The following PCBP3 variants were observed in gnomAD, a reference collection of about 807,000 sequenced individuals.
PCBP3 encodes poly(rC)-binding protein 3.
Under a neutral mutation model 52.7 loss-of-function variants are expected in PCBP3, and 25 were observed. The ratio of observed to expected loss-of-function variants is 0.47; its 90% CI spans 0.35 to 0.66. PCBP3 has a LOEUF of 0.66. Among genes scored for constraint, PCBP3 ranks in the 30% least tolerant of loss-of-function variants. The pLI, the probability that PCBP3 is intolerant of heterozygous loss-of-function variation, is 0.01. For missense variants in PCBP3, 391 were observed against 490.3 expected, an observed-to-expected ratio of 0.80 and a Z score of 1.91; for synonymous variants, 162 against 183.0, an observed-to-expected ratio of 0.89 and a Z score of 0.93.
intron 9 of PCBP3, among the ~76,000 whole-genome samples, chr21:45,907,028 A>C (rs1417452436): frequency 6.6e-6 from 1 of 152,234 alleles, no homozygotes; most frequent in East Asian, 1.9e-4. Context: ...GTCCAGTGTT[A>C]GTCACCCTGA....
At chr21:45,689,143 A>G (rs1255497179) in intron 2 of PCBP3, among the ~76,000 whole-genome samples, 1 of 152,094 alleles carries the variant, frequency 6.6e-6, no homozygotes, top group East Asian at 1.9e-4. Flanking sequence ...AACACCAGAA[A>G]ATTTAACTCA....
At chr21:45,711,532 G>T (rs1182655650) in intron 2 of PCBP3, among the ~76,000 whole-genome samples, 2 of 152,124 alleles carry the variant, frequency 1.3e-5, no homozygotes, top group Non-Finnish European at 2.9e-5. Flanking sequence ...TACATGTATA[G>T]CAGTATGAGG....
intron 13 of PCBP3, among the ~76,000 whole-genome samples, chr21:45,920,167 C>T (rs2074241188): frequency 6.6e-6 from 1 of 152,174 alleles, no homozygotes; most frequent in African/African-American, 2.4e-5. Flanking sequence ...CAGACAGTCG[C>T]CCTGAAGTTG....
chr21:45,662,117 T>A lies in PCBP3; in HGVS notation c.-278-6757T>A, dbSNP rs150463144. ...ACTCTGTTGATGATTATTTTTGCTG[T>A]GTAGACACTTTTAAGTTATTATTAA... On this transcript the variant is annotated intron_variant, in intron 1 of 17. Coordinates refer to ENST00000681687, the MANE Select transcript of PCBP3 (RefSeq NM_001384156.1). Among the ~76,000 whole-genome samples the A allele has an allele frequency of 1.3e-3, 199 of 152,236 alleles. 2 individuals are homozygous for A. The highest frequency in any genetic ancestry group is 4.3e-3 in the African/African-American group (179 of 41,534).
chr21:45,857,673 G>A (rs1203488103), intron 5 of PCBP3, among the ~76,000 whole-genome samples: 1 of 152,038 alleles, frequency 6.6e-6, no homozygotes, highest in African/African-American at 2.4e-5. Context: ...GCCACCCTGG[G>A]CACAAGTTCT....
chr21:45,793,062 C>G (rs779288791), intron 4 of PCBP3, among the ~76,000 whole-genome samples: 1 of 152,226 alleles, frequency 6.6e-6, no homozygotes, highest in Non-Finnish European at 1.5e-5. Context: ...AAACTGCCAA[C>G]AAGCTGGGAA....
At position 45,659,508 on chromosome 21, in the gene PCBP3, C is replaced by T. The variant is rs551613163; in HGVS notation, c.-278-9366C>T. 1.6e-4 allele frequency among the ~76,000 whole-genome samples: 24 copies of T among 151,962 alleles called. No homozygotes were observed. The South Asian group carries it at 3.7e-3, about 24-fold the overall frequency. ...GGGACTATAGGTGCATTCCCCTACA[C>T]CTGGCTAATTTTTTAATTTTTTGTG... On this transcript the variant is annotated intron_variant, in intron 1 of 17. Coordinates refer to ENST00000681687, the MANE Select transcript of PCBP3 (RefSeq NM_001384156.1).
At chr21:45,782,733 A>G (rs2090736455) in intron 4 of PCBP3, among the ~76,000 whole-genome samples, 1 of 152,268 alleles carries the variant, frequency 6.6e-6, no homozygotes, top group South Asian at 2.1e-4. Context: ...CAAGCAAGCA[A>G]ACTTTTCACA....
chr21:45,882,370 C>CCGTT (rs1422008010), intron 5 of PCBP3, among the ~76,000 whole-genome samples: 1 of 152,032 alleles, frequency 6.6e-6, no homozygotes, highest in Non-Finnish European at 1.5e-5. Context: ...TTTTTAAAAT[C>CCGTT]TGGTATTTGT....
chr21:45,764,573 C>T (rs2089105833), intron 4 of PCBP3, among the ~76,000 whole-genome samples: 1 of 152,224 alleles, frequency 6.6e-6, no homozygotes, highest in African/African-American at 2.4e-5. Context: ...GAGCCTCTCT[C>T]AGAAACTTCA....
chr21:45,840,587 C>G (rs11089022), intron 4 of PCBP3, among the ~76,000 whole-genome samples: 45,613 of 151,918 alleles, frequency 0.3, 8,228 homozygotes, highest in East Asian at 0.66. Flanking sequence ...CTGTCCCAAG[C>G]CTTCATATTT....
chr21:45,926,415 T>TA (rs1169633159), intron 13 of PCBP3, among the ~76,000 whole-genome samples: 12 of 152,202 alleles, frequency 7.9e-5, no homozygotes, highest in Non-Finnish European at 1.6e-4. Context: ...TCTAATTATC[T>TA]AAAAAATGTT....
chr21:45,753,660 T>C (rs865906288), intron 3 of PCBP3, among the ~76,000 whole-genome samples: 38 of 152,212 alleles, frequency 2.5e-4, no homozygotes, highest in African/African-American at 8.2e-4. Context: ...GATGACTGTT[T>C]TACTCATTAG....
At chr21:45,643,996 G>A (rs1333552359) in intron 1 of PCBP3, 128 bp downstream of exon 1, 2 of 149,340 alleles carry the variant, frequency 1.3e-5, no homozygotes, top group Non-Finnish European at 3.0e-5. Flanking sequence ...GCCGGGGCGG[G>A]CGGGGGTCCC....
intron 4 of PCBP3, among the ~76,000 whole-genome samples, chr21:45,843,175 C>T (rs2093734233): frequency 2.0e-5 from 3 of 152,236 alleles, no homozygotes; most frequent in South Asian, 2.1e-4. Context: ...CTGTTTGTTC[C>T]ACATGTAATG....
intron 13 of PCBP3, among the ~76,000 whole-genome samples, chr21:45,925,576 G>GT (rs1024239432): frequency 1.5e-4 from 23 of 150,456 alleles, no homozygotes; most frequent in South Asian, 4.2e-4. Flanking sequence ...TAATTTTTTT[G>GT]TTTTTTTTTC....
intron 5 of PCBP3, chr21:45,872,670 A>G (rs1411838898): frequency 6.6e-6 from 1 of 152,188 alleles, no homozygotes; most frequent in African/African-American, 2.4e-5. Flanking sequence ...TGCCCCTGCC[A>G]CTGTGTGGCT....
At chr21:45,906,263 C>T (rs1473143757) in intron 9 of PCBP3, among the ~76,000 whole-genome samples, 1 of 152,120 alleles carries the variant, frequency 6.6e-6, no homozygotes, top group Non-Finnish European at 1.5e-5. Context: ...GGTTCAGTAC[C>T]CCTAGGAAGT....
In PCBP3 at chr21:45,821,080, G is replaced by A. The variant is rs1223439345; in HGVS notation, c.-125-28881G>A. On this transcript the variant is annotated intron_variant, in intron 4 of 17. Transcript: ENST00000681687. This position sits in a 1 kb window ranked among gnomAD's most constrained non-coding sequence, Gnocchi z 4.4. ...GCAGAGCCAGCGAGCCTGGCGTTGT[G>A]ACCTGGGCTAACTTGGTACCTTTTC... Among the ~76,000 whole-genome samples the A allele has an allele frequency of 6.6e-6, 1 of 152,212 alleles. No individual in the cohort carries two copies. Among genetic ancestry groups the A allele is most frequent in the Non-Finnish European group, 1.5e-5 (1 of 68,032 alleles).
Sources: gnomAD v4.1 joint callset for allele counts (sites outside exome capture counted in the v4.1 genomes callset) on GRCh38, gnomAD v4.1.1 for gene constraint, Gnocchi (gnomAD v3.1) non-coding constraint, MANE v1.5 for transcripts, NCBI Gene and HGNC (gene_info 2026-07-23, HGNC 2026-07-21) for gene names.